Variants in CAPN8 observed in about 807,000 individuals in gnomAD.
The protein encoded by CAPN8 is calpain-8.
Under a neutral mutation model 80.9 loss-of-function variants are expected in CAPN8, and 87 were observed. The observed-to-expected ratio is 1.07, with a 90% CI of 0.90 to 1.28. The LOEUF (loss-of-function observed/expected upper bound fraction) is 1.28, where lower values mean the gene tolerates loss of function less well. Among genes scored for constraint, CAPN8 ranks in the 50% most tolerant of loss-of-function variants. The pLI, the probability that CAPN8 is intolerant of heterozygous loss-of-function variation, is 0.00. For missense variants in CAPN8, 757 were observed against 702.0 expected (o/e 1.08, Z -0.89); for synonymous variants, 299 against 273.8 (o/e 1.09, Z -0.91).
rs1301529750 is a variant in CAPN8, at chr1:223,549,589, C to T, written c.1700-207G>A. On this transcript the variant is annotated intron_variant, in intron 15 of 20. Transcript: ENST00000366872. ...CGTGGGAGATAGAACAGACAAGCACCAGCATCCAAGTACAGCATCTGAACC... is the reference window on the plus strand; with the variant it reads ...CGTGGGAGATAGAACAGACAAGCACTAGCATCCAAGTACAGCATCTGAACC... 6.5e-6 allele frequency: 5 copies of T among 763,796 alleles called. No individual in the cohort carries two copies. In the East Asian group the frequency reaches 1.1e-4, roughly 17 times the overall value. 47.3% of individuals were successfully genotyped at this position (763,796 alleles called of 1,614,324 possible). A position where few individuals can be genotyped will look rare whatever the true frequency, so the allele number is the denominator to read the frequency against.
At position 223,558,157 on chromosome 1, in the gene CAPN8, C is replaced by A; in HGVS notation, c.1546G>T (p.Asp516Tyr). The A allele has an allele frequency of 2.5e-6, 1 of 398,604 alleles. No individual in the cohort carries two copies. Among genetic ancestry groups the A allele is most frequent in the Non-Finnish European group, 4.4e-6 (1 of 226,058 alleles). 24.7% of individuals were successfully genotyped at this position (398,604 alleles called of 1,614,324 possible). The change falls in exon 13 of 21, where the codon GAT becomes TAT. Residue 516 changes from aspartate to tyrosine, a missense_variant. Transcript: ENST00000366872. ...TCATATGGGTTTCCAGCTACCACAT[C>A]CCCAATTTCTCTGAAATGCAAAGAA... ...EKKAQALEIG[D>Y]VVAGNPYEPH...
intron 18 of CAPN8, 132 bp downstream of exon 18, chr1:223,544,640 C>T: frequency 7.9e-7 from 1 of 1,270,362 alleles, no homozygotes; most frequent in Non-Finnish European, 1.1e-6. Context: ...CTCAACAAAG[C>T]TCTGTTGTTG....
chr1:223,630,419 C>A (rs1657742015), intron 2 of CAPN8, among the ~76,000 whole-genome samples: 1 of 152,098 alleles, frequency 6.6e-6, no homozygotes, highest in South Asian at 2.1e-4. Context: ...TCACTGCAGC[C>A]CCAACCTCCT....
chr1:223,544,672 AG>A, intron 18 of CAPN8, 99 bp downstream of exon 18: 1 of 1,498,796 alleles, frequency 6.7e-7, no homozygotes, highest in Non-Finnish European at 9.0e-7. Flanking sequence ...CATATAAGAA[AG>A]CTACAAATGA....
chr1:223,633,329 C>G (rs1302073527), intron 2 of CAPN8, among the ~76,000 whole-genome samples: 1 of 151,400 alleles, frequency 6.6e-6, no homozygotes, highest in Non-Finnish European at 1.5e-5. Flanking sequence ...TCTAGGGAGA[C>G]TGGAAGACCT....
intron 2 of CAPN8, among the ~76,000 whole-genome samples, chr1:223,647,814 A>G (rs1161016391): frequency 1.3e-5 from 2 of 152,228 alleles, no homozygotes; most frequent in Non-Finnish European, 2.9e-5. Flanking sequence ...GTGCTTTTCT[A>G]TTAATGTCAT....
At chr1:223,548,779 C>G (rs1656701051) in intron 16 of CAPN8, among the ~76,000 whole-genome samples, 1 of 152,166 alleles carries the variant, frequency 6.6e-6, no homozygotes, top group African/African-American at 2.4e-5. Flanking sequence ...CACCATACTT[C>G]AATATCAAGT....
chr1:223,557,298 C>G lies in CAPN8; in HGVS notation c.1572+833G>C, dbSNP rs1004522615. Among the ~76,000 whole-genome samples the G allele has an allele frequency of 2.7e-3, 12 of 4,476 alleles. No homozygotes were observed. The South Asian group carries it at 0.062, about 23-fold the overall frequency. The allele number at this position is 4,476 out of a possible 152,430, so 2.9% of individuals were successfully genotyped here. ...GGTGTGTATATGGGTGTGTGTGTGT[C>G]TGCCCCCACCTCCATTCAGCCGAAG... On this transcript the variant is annotated intron_variant, in intron 13 of 20. Coordinates refer to ENST00000366872, the MANE Select transcript of CAPN8 (RefSeq NM_001143962.2).
In CAPN8 at chr1:223,665,656, C is replaced by T. The variant is rs1458932246; in HGVS notation, c.-10G>A. 2 of 1,549,724 alleles carry T rather than the reference C, an allele frequency of 1.3e-6. No homozygotes were observed. The highest frequency in any genetic ancestry group is 2.7e-5 in the African/African-American group (2 of 73,010). On this transcript the variant is annotated 5_prime_UTR_variant, in exon 1 of 21. Coordinates refer to ENST00000366872, the MANE Select transcript of CAPN8 (RefSeq NM_001143962.2). ...CTGCCTGGGCTGCCATGGCCGTGGG[C>T]TCTGTAGGGTGGACAGAAGGGCAGG...
intron 2 of CAPN8, among the ~76,000 whole-genome samples, chr1:223,630,056 G>A (rs891227859): frequency 2.6e-5 from 4 of 152,076 alleles, no homozygotes; most frequent in African/African-American, 7.2e-5. Context: ...ACACATTATG[G>A]TTTTCTCAGA....
Position 223,628,173 on chromosome 1 carries a change from A to G in CAPN8, c.427-31T>C, listed in dbSNP as rs553832714. Reference sequence around the variant, plus strand: ...GAGGGGGGACACAGCGGCTGCTCACATGAATAAGCAGATGTGTAAAGGGAG... The same window carrying G: ...GAGGGGGGACACAGCGGCTGCTCACGTGAATAAGCAGATGTGTAAAGGGAG... On this transcript the variant is annotated intron_variant, in intron 3 of 20. Coordinates refer to ENST00000366872, the MANE Select transcript of CAPN8 (RefSeq NM_001143962.2). 48 of 1,521,888 alleles carry G rather than the reference A, an allele frequency of 3.2e-5. No homozygotes were observed. The East Asian group carries it at 1.1e-3, about 35-fold the overall frequency. 94.3% of individuals were successfully genotyped at this position (1,521,888 alleles called of 1,614,324 possible).
chr1:223,615,101 A>C (rs912133361), intron 10 of CAPN8, among the ~76,000 whole-genome samples: 4 of 152,236 alleles, frequency 2.6e-5, no homozygotes, highest in Admixed American at 1.3e-4. Context: ...CGACCATTGC[A>C]CTATTTCCTT....
chr1:223,620,966 T>TAAAA (rs1206851350), intron 7 of CAPN8, among the ~76,000 whole-genome samples: 3 of 56,028 alleles, frequency 5.4e-5, no homozygotes, highest in Admixed American at 3.2e-4. Flanking sequence ...AGATCCATCT[T>TAAAA]TAAAAAAAAA....
At chr1:223,625,442 T>A (rs566911130) in intron 6 of CAPN8, among the ~76,000 whole-genome samples, 105 of 152,326 alleles carry the variant, frequency 6.9e-4, no homozygotes, top group Middle Eastern at 3.4e-3. Flanking sequence ...TTCTTTTATT[T>A]TTTTTGTTTT....
rs1656659849 is a variant in CAPN8, at chr1:223,547,629, T to C, written c.1764+1689A>G. ...GTATGGTGTGTAAATGATATCTCAATAGAGTTGTTATTTTTTTAAGGATTC... is the reference window on the plus strand; with the variant it reads ...GTATGGTGTGTAAATGATATCTCAACAGAGTTGTTATTTTTTTAAGGATTC... On this transcript the variant is annotated intron_variant, in intron 16 of 20. Transcript: ENST00000366872. Among the ~76,000 whole-genome samples, 4 of 152,322 alleles carry C rather than the reference T, an allele frequency of 2.6e-5. No homozygotes were observed. The South Asian group carries it at 8.3e-4, about 32-fold the overall frequency.
At chr1:223,549,619 C>T in intron 15 of CAPN8, 1 of 662,700 alleles carries the variant, frequency 1.5e-6, no homozygotes, top group Non-Finnish European at 2.7e-6. Context: ...TGAACCTTGG[C>T]TTGGCTCCCC....
chr1:223,542,106 G>T (rs1232972102), intron 20 of CAPN8, among the ~76,000 whole-genome samples: 4 of 151,644 alleles, frequency 2.6e-5, no homozygotes, highest in Admixed American at 6.6e-5. Flanking sequence ...GTATGTGCAT[G>T]TATATTCATA....
intron 10 of CAPN8, among the ~76,000 whole-genome samples, chr1:223,615,130 T>C (rs897803317): frequency 3.3e-5 from 5 of 152,236 alleles, no homozygotes; most frequent in African/African-American, 1.2e-4. Context: ...CTTATTACAA[T>C]ATTTTTTTCA....
intron 20 of CAPN8, among the ~76,000 whole-genome samples, chr1:223,542,906 G>C (rs185625497): frequency 1.3e-5 from 2 of 152,010 alleles, no homozygotes; most frequent in East Asian, 3.8e-4. Flanking sequence ...TTATCTTTAC[G>C]ATCATAATAA....
Sources: gnomAD v4.1 joint callset for allele counts (sites outside exome capture counted in the v4.1 genomes callset) on GRCh38, gnomAD v4.1.1 for gene constraint, MANE v1.5 for transcripts, NCBI Gene and HGNC (gene_info 2026-07-23, HGNC 2026-07-21) for gene names.